RALGAPA1: variants seen among roughly 807,000 people sequenced by gnomAD.
The protein encoded by RALGAPA1 is Ral GTPase activating protein catalytic subunit alpha 1, also known as ral GTPase-activating protein subunit alpha-1.
Under a neutral mutation model 269.6 loss-of-function variants are expected in RALGAPA1, and 52 were observed. The ratio of observed to expected loss-of-function variants is 0.19; its 90% CI spans 0.15 to 0.24. The LOEUF (loss-of-function observed/expected upper bound fraction) is 0.24, where lower values mean the gene tolerates loss of function less well. RALGAPA1 is among the 10% of genes least tolerant of loss of function. RALGAPA1 has a pLI of 1.00. For missense variants in RALGAPA1, 1,917 were observed against 3,013.9 expected, an observed-to-expected ratio of 0.64 and a Z score of 8.52; for synonymous variants, 817 against 1,008.3, an observed-to-expected ratio of 0.81 and a Z score of 3.60.
At chr14:35,714,748 A>AT (rs955379727) in intron 16 of RALGAPA1, among the ~76,000 whole-genome samples, 2 of 151,742 alleles carry the variant, frequency 1.3e-5, no homozygotes, top group South Asian at 2.1e-4. Flanking sequence ...TTCTGGGGTA[A>AT]TTTTTTTTCC....
intron 36 of RALGAPA1, among the ~76,000 whole-genome samples, chr14:35,602,390 A>G (rs2059344621): frequency 6.6e-6 from 1 of 152,216 alleles, no homozygotes; most frequent in Non-Finnish European, 1.5e-5. Context: ...ATGAACTGCC[A>G]GAATGTTTTC....
intron 16 of RALGAPA1, among the ~76,000 whole-genome samples, chr14:35,704,004 A>C (rs961793340): frequency 6.6e-6 from 1 of 152,172 alleles, no homozygotes; most frequent in Non-Finnish European, 1.5e-5. Context: ...AAATACAAAA[A>C]ATAAACATGA....
chr14:35,711,486 C>T (rs1412869318), intron 16 of RALGAPA1, among the ~76,000 whole-genome samples: 1 of 152,212 alleles, frequency 6.6e-6, no homozygotes, highest in African/African-American at 2.4e-5. Context: ...CACATTCTGT[C>T]ACCCAAGTGG....
intron 1 of RALGAPA1, among the ~76,000 whole-genome samples, chr14:35,781,430 C>A (rs1479852383): frequency 6.6e-6 from 1 of 152,036 alleles, no homozygotes; most frequent in Non-Finnish European, 1.5e-5. Context: ...ACCAACTCTT[C>A]CAAAAAATAG....
chr14:35,751,436 G>A (rs2072675015), intron 8 of RALGAPA1, among the ~76,000 whole-genome samples: 3 of 152,062 alleles, frequency 2.0e-5, no homozygotes, highest in African/African-American at 7.2e-5. Flanking sequence ...AAATATTTCT[G>A]GTGGGCTAAC....
chr14:35,673,588 T>A (rs556299201), intron 24 of RALGAPA1, among the ~76,000 whole-genome samples: 123 of 150,850 alleles, frequency 8.2e-4, no homozygotes, highest in Non-Finnish European at 1.1e-3. Flanking sequence ...AGAATTAAAA[T>A]TTTTTTTTTG....
chr14:35,657,051 A>AT (rs2063218486), intron 28 of RALGAPA1, among the ~76,000 whole-genome samples: 1 of 151,886 alleles, frequency 6.6e-6, no homozygotes, highest in Non-Finnish European at 1.5e-5. Flanking sequence ...GGATATATAT[A>AT]TTTTTTTCTT....
intron 25 of RALGAPA1, 25 bp downstream of exon 25, chr14:35,672,842 A>G (rs763969499): frequency 1.4e-6 from 2 of 1,475,750 alleles, no homozygotes; most frequent in East Asian, 5.2e-5. Context: ...ACTACTTCTT[A>G]GATGATACAT....
intron 16 of RALGAPA1, among the ~76,000 whole-genome samples, chr14:35,703,785 T>C (rs1277409943): frequency 6.6e-6 from 1 of 151,632 alleles, no homozygotes; most frequent in Non-Finnish European, 1.5e-5. Flanking sequence ...AAATATAACA[T>C]CAAAAAGTAA....
At position 35,809,076 on chromosome 14, in the gene RALGAPA1, C is replaced by G. The variant is rs985261219; in HGVS notation, c.-241G>C. 3.4e-5 allele frequency: 20 copies of G among 589,944 alleles called. No homozygotes were observed. Among genetic ancestry groups the G allele is most frequent in the African/African-American group, 3.0e-4 (16 of 52,786 alleles). The allele number at this position is 589,944 out of a possible 1,614,324, so 36.5% of individuals were successfully genotyped here. A position where few individuals can be genotyped will look rare whatever the true frequency, so the allele number is the denominator to read the frequency against. On this transcript the variant is annotated 5_prime_UTR_variant, in exon 1 of 42. Coordinates refer to ENST00000680220, the MANE Select transcript of RALGAPA1 (RefSeq NM_001346249.2). ...CAGCTCCAATATGGCGGATCCCTCT[C>G]CCGGCCCTGCACGGAGCGAGGCAGA...
At chr14:35,727,158 G>C (rs1335544004) in intron 13 of RALGAPA1, among the ~76,000 whole-genome samples, 2 of 151,178 alleles carry the variant, frequency 1.3e-5, no homozygotes, top group African/African-American at 2.4e-5. Context: ...AAAATTAGGA[G>C]TACTTAGTCA....
intron 17 of RALGAPA1, among the ~76,000 whole-genome samples, chr14:35,690,311 C>G (rs2066368111): frequency 6.6e-6 from 1 of 152,166 alleles, no homozygotes; most frequent in African/African-American, 2.4e-5. Context: ...GCCAATAAAT[C>G]AAGCAACTCA....
chr14:35,709,141 T>C (rs1208317960), intron 16 of RALGAPA1, among the ~76,000 whole-genome samples: 3 of 152,060 alleles, frequency 2.0e-5, no homozygotes, highest in African/African-American at 4.8e-5. Flanking sequence ...TTAGAATGAA[T>C]AAGACCTAGT....
At chr14:35,552,162 C>T (rs1036536313) in intron 39 of RALGAPA1, among the ~76,000 whole-genome samples, 1 of 152,044 alleles carries the variant, frequency 6.6e-6, no homozygotes, top group East Asian at 1.9e-4. Context: ...ACAGGACTTA[C>T]ATCCCCCCCC....
Position 35,655,872 on chromosome 14 carries a change from G to C in RALGAPA1, c.5431C>G (p.Leu1811Val). 2 of 1,613,446 alleles carry C rather than the reference G, an allele frequency of 1.2e-6. No homozygotes were observed. The highest frequency in any genetic ancestry group is 1.7e-6 in the Non-Finnish European group (2 of 1,179,630). ...CSLGIWICEE[L>V]VHESHHPQIK... ...TGAGGATGATGAGACTCATGGACTA[G>C]TTCTTCACAAATCCAAATACCTAAA... is the stretch of plus-strand genomic sequence containing the variant. The change falls in exon 29 of 42, where the codon CTA becomes GTA. Residue 1811 changes from leucine (L) to valine (V), a missense_variant. Physicochemically the swap from Leu to Val is conservative, Grantham distance 32. Transcript: ENST00000680220.
chr14:35,605,682 A>G lies in RALGAPA1; in HGVS notation c.6957T>C (p.Phe2319=). The G allele has an allele frequency of 6.2e-7, 1 of 1,610,680 alleles. No homozygotes were observed. The highest frequency in any genetic ancestry group is 8.5e-7 in the Non-Finnish European group (1 of 1,179,006). ...QCRETHKIAV[F]YVAEGQEDKH... The stretch of plus-strand genomic sequence containing the variant: ...TGTCTTCTTGTCCTTCAGCAACATA[A>G]AATACTGCAATCTTGTGTGTCTCTC... The change falls in exon 36 of 42, where the codon TTT becomes TTC. Residue 2319 remains phenylalanine (F), a synonymous_variant. Transcript: ENST00000680220.
chr14:35,696,288 C>T (rs1595181157), intron 17 of RALGAPA1, among the ~76,000 whole-genome samples: 2 of 152,226 alleles, frequency 1.3e-5, no homozygotes, highest in Admixed American at 1.3e-4. Context: ...GTGGCACGTG[C>T]CTATGATCCC....
intron 39 of RALGAPA1, among the ~76,000 whole-genome samples, chr14:35,558,702 TTAGTA>T (rs1343494724): frequency 1.3e-5 from 2 of 152,146 alleles, no homozygotes; most frequent in African/African-American, 4.8e-5. Flanking sequence ...TGAACAGCAA[TTAGTA>T]AAGCAACCCC....
intron 12 of RALGAPA1, among the ~76,000 whole-genome samples, chr14:35,736,376 G>C: frequency 6.6e-6 from 1 of 152,142 alleles, no homozygotes; most frequent in Non-Finnish European, 1.5e-5. Context: ...TCAGATGAGA[G>C]ATCCTAGACT....
Sources: gnomAD v4.1 joint callset for allele counts (sites outside exome capture counted in the v4.1 genomes callset) on GRCh38, gnomAD v4.1.1 for gene constraint, MANE v1.5 for transcripts, NCBI Gene and HGNC (gene_info 2026-07-23, HGNC 2026-07-21) for gene names.